TMTC2: variants seen among roughly 807,000 people sequenced by gnomAD.
TMTC2 encodes the protein transmembrane O-mannosyltransferase targeting cadherins 2.
Under a neutral mutation model 82.4 loss-of-function variants are expected in TMTC2, and 43 were observed. That is an observed-to-expected ratio of 0.52 (90% CI 0.41 to 0.67). The LOEUF (loss-of-function observed/expected upper bound fraction) is 0.67, where lower values mean the gene tolerates loss of function less well. Ranked by LOEUF, TMTC2 falls within the 30% of genes least tolerant of loss-of-function variation. The pLI is 0.00. For missense variants in TMTC2, 919 were observed against 1,012.4 expected, an observed-to-expected ratio of 0.91 and a Z score of 1.25; for synonymous variants, 408 against 381.9, an observed-to-expected ratio of 1.07 and a Z score of -0.80.
chr12:82,850,074 G>A (rs1416998043), intron 1 of TMTC2, among the ~76,000 whole-genome samples: 1 of 152,034 alleles, frequency 6.6e-6, no homozygotes, highest in Non-Finnish European at 1.5e-5. Context: ...GGTAAGGGCA[G>A]TGTCATCCTA....
intron 4 of TMTC2, among the ~76,000 whole-genome samples, chr12:82,952,030 A>T (rs1877375458): frequency 6.6e-6 from 1 of 152,198 alleles, no homozygotes; most frequent in Non-Finnish European, 1.5e-5. Context: ...GAAGTGCTTC[A>T]TGAGACCAGA....
intron 1 of TMTC2, among the ~76,000 whole-genome samples, chr12:82,855,502 C>T (rs535025381): frequency 1.3e-5 from 2 of 152,276 alleles, no homozygotes; most frequent in Admixed American, 1.3e-4. Flanking sequence ...GCCCACAGCT[C>T]CTTAAAAAGC....
chr12:82,843,206 C>T (rs972585744), intron 1 of TMTC2, among the ~76,000 whole-genome samples: 1 of 152,106 alleles, frequency 6.6e-6, no homozygotes, highest in Non-Finnish European at 1.5e-5. Flanking sequence ...CCTGTCTCAG[C>T]TTCCCAAGTA....
chr12:83,045,130 A>G (rs1882038259), intron 9 of TMTC2, among the ~76,000 whole-genome samples: 1 of 152,168 alleles, frequency 6.6e-6, no homozygotes, highest in Non-Finnish European at 1.5e-5. Context: ...AGTTCAATAC[A>G]AAACAATTGC....
rs1335309699 is a variant in TMTC2, at chr12:83,064,110, T to TAC, written c.2331+2280_2331+2281dup. Among the ~76,000 whole-genome samples, 5 of 151,866 alleles carry TAC rather than the reference T, an allele frequency of 3.3e-5. 1 individual carries two copies. Among genetic ancestry groups the TAC allele is most frequent in the Non-Finnish European group, 7.4e-5 (5 of 67,890 alleles). On this transcript the variant is annotated intron_variant, in intron 11 of 11. Coordinates refer to ENST00000321196, the MANE Select transcript of TMTC2 (RefSeq NM_152588.3). The stretch of plus-strand genomic sequence containing the variant: ...TAGTTAAATGCAATTGTTTTTTGAG[T>TAC]ACTAGTCACTTGAGTATCATGTTGA...
intron 4 of TMTC2, among the ~76,000 whole-genome samples, chr12:82,935,221 A>G (rs977816336): frequency 1.3e-5 from 2 of 152,180 alleles, no homozygotes; most frequent in East Asian, 1.9e-4. Flanking sequence ...TCTATTAATT[A>G]TAATATCATT....
intron 8 of TMTC2, among the ~76,000 whole-genome samples, chr12:83,025,950 A>T (rs1397451351): frequency 6.6e-6 from 1 of 152,216 alleles, no homozygotes; most frequent in Non-Finnish European, 1.5e-5. Context: ...TGGGGTATAG[A>T]CATGTTCTTA....
intron 11 of TMTC2, among the ~76,000 whole-genome samples, chr12:83,080,425 A>C (rs967149319): frequency 4.6e-5 from 7 of 151,962 alleles, no homozygotes; most frequent in African/African-American, 1.7e-4. Context: ...TAAGATTTTT[A>C]TATCTGTAAT....
Position 82,937,786 on chromosome 12 carries a change from A to ACATATATATATATATATATATATATG in TMTC2, c.1598+7241_1598+7242insCATATATATATATATATATATATATG, listed in dbSNP as rs1565818416. On this transcript the variant is annotated intron_variant, in intron 4 of 11. Transcript: ENST00000321196. ...TATATATATATATATATATATATAT[A>ACATATATATATATATATATATATATG]TATATATATACACACATATATATAT... Among the ~76,000 whole-genome samples, 29 of 23,040 alleles carry ACATATATATATATATATATATATATG rather than the reference A, an allele frequency of 1.3e-3. No homozygotes were observed. In the South Asian group the frequency reaches 0.014, roughly 11 times the overall value. The allele number at this position is 23,040 out of a possible 152,430, so 15.1% of individuals were successfully genotyped here.
chr12:82,844,568 G>A (rs773069907), intron 1 of TMTC2, among the ~76,000 whole-genome samples: 1 of 152,058 alleles, frequency 6.6e-6, no homozygotes, highest in African/African-American at 2.4e-5. Flanking sequence ...TTGGGTGGCC[G>A]AGGCGAGCAG....
chr12:83,098,139 G>T (rs1884093845), intron 11 of TMTC2, among the ~76,000 whole-genome samples: 1 of 152,214 alleles, frequency 6.6e-6, no homozygotes, highest in African/African-American at 2.4e-5. Context: ...TCATGCTGCA[G>T]AGGGGATGGT....
chr12:82,977,764 G>A (rs915414962), intron 7 of TMTC2, among the ~76,000 whole-genome samples: 6 of 151,684 alleles, frequency 4.0e-5, no homozygotes, highest in Non-Finnish European at 8.9e-5. Context: ...AATAAGAGTT[G>A]TGTTTTAAAA....
chr12:82,709,857 C>G (rs1257228564), intron 1 of TMTC2, among the ~76,000 whole-genome samples: 1 of 152,122 alleles, frequency 6.6e-6, no homozygotes, highest in Non-Finnish European at 1.5e-5. Flanking sequence ...CTCTACTTGC[C>G]ACAAGCCAAA....
chr12:83,113,643 T>G (rs1050282206), intron 11 of TMTC2, among the ~76,000 whole-genome samples: 4 of 152,234 alleles, frequency 2.6e-5, no homozygotes, highest in Non-Finnish European at 5.9e-5. Flanking sequence ...CAGCGTGGCT[T>G]CACCTTGTTT....
chr12:82,718,583 G>C (rs528986983), intron 1 of TMTC2, among the ~76,000 whole-genome samples: 143 of 152,298 alleles, frequency 9.4e-4, no homozygotes, highest in Non-Finnish European at 1.1e-3. Context: ...TCAAGGGTTG[G>C]CTCACCATCT....
intron 1 of TMTC2, among the ~76,000 whole-genome samples, chr12:82,766,061 C>T (rs555606602): frequency 2.4e-4 from 36 of 152,176 alleles, no homozygotes; most frequent in Admixed American, 1.2e-3. Context: ...GGTCTAGGAT[C>T]CCATGACAGT....
At chr12:82,861,379 G>A (rs1478380190) in intron 2 of TMTC2, among the ~76,000 whole-genome samples, 1 of 152,054 alleles carries the variant, frequency 6.6e-6, no homozygotes, top group Non-Finnish European at 1.5e-5. Context: ...AACCATTTAC[G>A]GAATTTGTCT....
intron 11 of TMTC2, among the ~76,000 whole-genome samples, chr12:83,124,832 A>G (rs1030058572): frequency 1.3e-5 from 2 of 152,128 alleles, no homozygotes; most frequent in African/African-American, 4.8e-5. Flanking sequence ...TAGAAAGACA[A>G]ATATTAGGTG....
chr12:82,734,371 G>GCCATCACCAC (rs1874981053), intron 1 of TMTC2, among the ~76,000 whole-genome samples: 1 of 152,098 alleles, frequency 6.6e-6, no homozygotes, highest in East Asian at 1.9e-4. Flanking sequence ...GTGATTGTAG[G>GCCATCACCAC]AGTGAGGTTC....
Sources: allele counts gnomAD v4.1 joint callset (sites outside exome capture counted in the v4.1 genomes callset), GRCh38; gene constraint gnomAD v4.1.1; transcripts MANE v1.5; gene names NCBI Gene and HGNC (gene_info 2026-07-23, HGNC 2026-07-21).